The following HSP90AA1 variants were observed in gnomAD, a reference collection of about 807,000 sequenced individuals.
The protein encoded by HSP90AA1 is heat shock protein 90 alpha family class A member 1, also known as heat shock protein HSP 90-alpha.
HSP90AA1 carries 18 observed loss-of-function variants against 73.3 expected under a neutral mutation model. The ratio of observed to expected loss-of-function variants is 0.25; its 90% CI spans 0.17 to 0.36. The LOEUF (loss-of-function observed/expected upper bound fraction) is 0.36, where lower values mean the gene tolerates loss of function less well. HSP90AA1 is among the 10% of genes least tolerant of loss of function. The pLI is 1.00. For missense variants in HSP90AA1, 704 were observed against 874.2 expected, an observed-to-expected ratio of 0.81 and a Z score of 2.45; for synonymous variants, 477 against 296.9, an observed-to-expected ratio of 1.61 and a Z score of -6.24.
intron 1 of HSP90AA1, among the ~76,000 whole-genome samples, chr14:102,117,774 C>A (rs1009509208): frequency 6.6e-6 from 1 of 152,156 alleles, no homozygotes; most frequent in South Asian, 2.1e-4. Context: ...CACCACGTTG[C>A]GGGCGAAGAG....
At chr14:102,094,467 C>T (rs954422762) in intron 2 of HSP90AA1, among the ~76,000 whole-genome samples, 1 of 152,124 alleles carries the variant, frequency 6.6e-6, no homozygotes, top group Non-Finnish European at 1.5e-5. Context: ...TTGAAGAGTG[C>T]TAGGATGGTG....
rs11547519 is a variant in HSP90AA1 at position 102,084,871 on chromosome 14, T to G, written c.791A>C (p.Asp264Ala). ...DKPEIEDVGS[D>A]EEEEKKDGDK... is the part of the protein sequence containing the mutation. The stretch of plus-strand genomic sequence containing the variant: ...ACCATCCTTCTTTTCTTCTTCCTCA[T>G]CAGAACCAACATCTTCAATTTCAGG... Residue 264 changes from aspartate to alanine, a missense_variant, in exon 5 of 11, where the codon GAT becomes GCT. Asp to Ala is a moderately radical substitution (Grantham distance 126). Transcript: ENST00000216281. The G allele has an allele frequency of 2.6e-6, 4 of 1,568,610 alleles. No individual in the cohort carries two copies. Among genetic ancestry groups the G allele is most frequent in the Non-Finnish European group, 2.6e-6 (3 of 1,138,942 alleles).
chr14:102,088,619 C>G (rs1391575925), upstream of HSP90AA1, among the ~76,000 whole-genome samples: 3 of 152,326 alleles, frequency 2.0e-5, no homozygotes, highest in East Asian at 1.9e-4. Context: ...GTAGCTGTTG[C>G]GCAGCCTGGG....
chr14:102,107,134 C>T (rs2049579236), intron 1 of HSP90AA1, among the ~76,000 whole-genome samples: 1 of 151,974 alleles, frequency 6.6e-6, no homozygotes, highest in African/African-American at 2.4e-5. Flanking sequence ...ACAATAATTT[C>T]AACTAAGCCT....
rs761799415 is a variant in HSP90AA1, at chr14:102,085,438, GAGA to G, written c.530-10_530-8del. The G allele has an allele frequency of 6.6e-5, 103 of 1,562,672 alleles. No individual in the cohort carries two copies. The Middle Eastern group carries it at 1.0e-3, about 15-fold the overall frequency. On this transcript the variant is annotated splice_polypyrimidine_tract_variant and splice_region_variant and intron_variant, in intron 3 of 10. Transcript: ENST00000216281. The stretch of plus-strand genomic sequence containing the variant: ...CCACGACCCATAGGTTCACCTGCAA[GAGA>G]AGAAAGAAAAATTGACTTAATACAT...
upstream of HSP90AA1, chr14:102,087,081 G>A (rs772678933): frequency 1.5e-4 from 146 of 984,634 alleles, no homozygotes; most frequent in Non-Finnish European, 1.6e-4. Context: ...TATAGCGACG[G>A]GCCCGCCCAG....
intron 1 of HSP90AA1, among the ~76,000 whole-genome samples, chr14:102,135,896 G>A (rs572472578): frequency 6.6e-6 from 1 of 152,284 alleles, no homozygotes; most frequent in East Asian, 2.0e-4. Flanking sequence ...GCCTCTCCCT[G>A]CACACCTCCC....
At chr14:102,122,807 A>C (rs904125832) in intron 1 of HSP90AA1, among the ~76,000 whole-genome samples, 3 of 151,666 alleles carry the variant, frequency 2.0e-5, no homozygotes, top group Non-Finnish European at 4.4e-5. Context: ...AGCTGGGATT[A>C]CAGGTGCCTG....
At chr14:102,139,421 G>T (rs773027886) in exon 1 of HSP90AA1, 2 of 1,530,368 alleles carry the variant, frequency 1.3e-6, no homozygotes, top group Middle Eastern at 2.2e-4. Flanking sequence ...TCCCCGTAGG[G>T]TACCCCGCGT....
At chr14:102,092,703 G>A (rs2049374233) in intron 2 of HSP90AA1, among the ~76,000 whole-genome samples, 2 of 152,090 alleles carry the variant, frequency 1.3e-5, no homozygotes, top group African/African-American at 4.8e-5. Flanking sequence ...GGTTTCCTAG[G>A]TATATACATA....
intron 3 of HSP90AA1, 101 bp from the exon 4 acceptor site, chr14:102,085,532 T>TA: frequency 7.6e-7 from 1 of 1,310,790 alleles, no homozygotes; most frequent in South Asian, 1.2e-5. Context: ...GGTTTGCCGT[T>TA]ACTACAGATG....
At chr14:102,084,269 CTCCTGACCTCA>C in intron 6 of HSP90AA1, 119 bp downstream of exon 6, 2 of 849,324 alleles carry the variant, frequency 2.4e-6, no homozygotes, top group Non-Finnish European at 2.0e-6. Context: ...TGGTCTTGAA[CTCCTGACCTCA>C]AGTGATCTGC....
chr14:102,121,629 T>C (rs915348756), intron 1 of HSP90AA1, among the ~76,000 whole-genome samples: 1 of 152,214 alleles, frequency 6.6e-6, no homozygotes, highest in Non-Finnish European at 1.5e-5. Flanking sequence ...CTATTATCAA[T>C]TTTATATTGA....
chr14:102,088,296 C>T (rs1351684729), upstream of HSP90AA1, among the ~76,000 whole-genome samples: 1 of 152,200 alleles, frequency 6.6e-6, no homozygotes, highest in Non-Finnish European at 1.5e-5. Flanking sequence ...ATGTCCTCTT[C>T]CTCTTTGTCT....
At chr14:102,089,044 C>T (rs1471923487), upstream of HSP90AA1, among the ~76,000 whole-genome samples, 2 of 152,028 alleles carry the variant, frequency 1.3e-5, no homozygotes, top group Non-Finnish European at 2.9e-5. Context: ...CCTTAGCCTC[C>T]CGAGTAGCTG....
intron 1 of HSP90AA1, among the ~76,000 whole-genome samples, chr14:102,126,417 T>C (rs1442332489): frequency 2.6e-5 from 4 of 152,246 alleles, no homozygotes; most frequent in African/African-American, 4.8e-5. Flanking sequence ...ATTTACTATG[T>C]GCTTAGCAAT....
chr14:102,095,187 G>A (rs2049408531), intron 2 of HSP90AA1, among the ~76,000 whole-genome samples: 1 of 152,168 alleles, frequency 6.6e-6, no homozygotes, highest in South Asian at 2.1e-4. Flanking sequence ...GAAGGCAATG[G>A]GACAGGCATG....
intron 1 of HSP90AA1, among the ~76,000 whole-genome samples, chr14:102,118,761 A>C (rs2049738673): frequency 6.6e-6 from 1 of 151,690 alleles, no homozygotes; most frequent in South Asian, 2.1e-4. Flanking sequence ...ATGTTTTGTT[A>C]TATATTTTAA....
At chr14:102,117,083 T>TA (rs2049716593) in intron 1 of HSP90AA1, among the ~76,000 whole-genome samples, 1 of 152,186 alleles carries the variant, frequency 6.6e-6, no homozygotes, top group South Asian at 2.1e-4. Flanking sequence ...AGTGCAGCAC[T>TA]AACATGTCAA....
Sources: gnomAD v4.1 joint callset for allele counts (sites outside exome capture counted in the v4.1 genomes callset) on GRCh38, gnomAD v4.1.1 for gene constraint, MANE v1.5 for transcripts, NCBI Gene and HGNC (gene_info 2026-07-23, HGNC 2026-07-21) for gene names.